EPHA6: variants seen among roughly 807,000 people sequenced by gnomAD.
EPHA6 encodes ephrin type-A receptor 6.
In EPHA6, 50 loss-of-function variants were observed where a neutral mutation model predicts 112.0. That is an observed-to-expected ratio of 0.45 (90% CI 0.36 to 0.56). The LOEUF (loss-of-function observed/expected upper bound fraction) is 0.56, where lower values mean the gene tolerates loss of function less well. Ranked by LOEUF, EPHA6 falls within the 20% of genes least tolerant of loss-of-function variation. The pLI, the probability that EPHA6 is intolerant of heterozygous loss-of-function variation, is 0.00. For synonymous variants in EPHA6, 529 were observed against 490.7 expected, an observed-to-expected ratio of 1.08 and a Z score of -1.03; for missense variants, 1,280 against 1,417.4, an observed-to-expected ratio of 0.90 and a Z score of 1.56.
chr3:97,543,151 A>C (rs575512508), intron 11 of EPHA6, among the ~76,000 whole-genome samples: 5 of 152,136 alleles, frequency 3.3e-5, no homozygotes, highest in African/African-American at 1.2e-4. Flanking sequence ...TTGGTGTTTT[A>C]GACATGAAGT....
chr3:96,935,159 A>G (rs1362042166), intron 2 of EPHA6, among the ~76,000 whole-genome samples: 1 of 151,908 alleles, frequency 6.6e-6, no homozygotes, highest in Non-Finnish European at 1.5e-5. Flanking sequence ...CCTGAAGACA[A>G]TACTCACATT....
chr3:97,509,872 G>T (rs1046227054), intron 10 of EPHA6, among the ~76,000 whole-genome samples: 1 of 151,964 alleles, frequency 6.6e-6, no homozygotes, highest in Non-Finnish European at 1.5e-5. Context: ...TTTCTTGGAG[G>T]CTTTGTTCAT....
At chr3:96,990,084 T>TA (rs756873128) in intron 3 of EPHA6, among the ~76,000 whole-genome samples, 76 of 152,100 alleles carry the variant, frequency 5.0e-4, no homozygotes, top group East Asian at 2.1e-3. Flanking sequence ...CATTACTTGG[T>TA]AAAAAAAATA....
At chr3:97,471,151 T>TAA (rs1247358963) in intron 7 of EPHA6, among the ~76,000 whole-genome samples, 2 of 151,730 alleles carry the variant, frequency 1.3e-5, no homozygotes, top group Non-Finnish European at 3.0e-5. Flanking sequence ...GCTTATTTGT[T>TAA]TCTTTAAGTG....
rs532729739 is a variant in EPHA6, at chr3:96,896,691, T to C, written c.450+29802T>C. Among the ~76,000 whole-genome samples the C allele has an allele frequency of 2.3e-4, 35 of 152,274 alleles. 1 individual carries two copies. In the South Asian group the frequency reaches 5.2e-3, roughly 23 times the overall value. On this transcript the variant is annotated intron_variant, in intron 2 of 17. Coordinates refer to ENST00000389672, the MANE Select transcript of EPHA6 (RefSeq NM_001080448.3). ...TTTTGAGTTCTACTACATTTTATCA[T>C]TTTCCTATCTTGGGAAGGAAGGGCC... is the stretch of plus-strand genomic sequence containing the variant.
intron 2 of EPHA6, among the ~76,000 whole-genome samples, chr3:96,894,724 G>A (rs1041441387): frequency 3.3e-5 from 5 of 152,090 alleles, no homozygotes; most frequent in Admixed American, 6.6e-5. Context: ...TAATGTGGAC[G>A]TGGATGAGGA....
intron 14 of EPHA6, among the ~76,000 whole-genome samples, chr3:97,665,222 G>A (rs540586220): frequency 6.6e-6 from 1 of 152,156 alleles, no homozygotes; most frequent in African/African-American, 2.4e-5. Flanking sequence ...ATGGGGAAAG[G>A]ATTCCCTATT....
intron 10 of EPHA6, among the ~76,000 whole-genome samples, chr3:97,511,387 C>T (rs541867203): frequency 6.6e-6 from 1 of 152,190 alleles, no homozygotes; most frequent in Non-Finnish European, 1.5e-5. Flanking sequence ...ATGCAATGCA[C>T]TGTTCCTCAC....
intron 11 of EPHA6, among the ~76,000 whole-genome samples, chr3:97,559,376 TG>T (rs1463120238): frequency 6.6e-6 from 1 of 151,904 alleles, no homozygotes; most frequent in Non-Finnish European, 1.5e-5. Context: ...GAAAGTGAAT[TG>T]TTTTGAATGG....
At chr3:97,650,428 CT>C (rs1230299208) in intron 14 of EPHA6, among the ~76,000 whole-genome samples, 4 of 151,958 alleles carry the variant, frequency 2.6e-5, no homozygotes, top group South Asian at 2.1e-4. Flanking sequence ...ATCTATGAAG[CT>C]TAGGAAACAA....
At chr3:97,300,929 C>T (rs2081066930) in intron 5 of EPHA6, among the ~76,000 whole-genome samples, 2 of 152,094 alleles carry the variant, frequency 1.3e-5, no homozygotes, top group African/African-American at 4.8e-5. Context: ...CTGTGAGAGT[C>T]CTGAAATGAT....
At chr3:97,174,027 C>G (rs1023029821) in intron 3 of EPHA6, among the ~76,000 whole-genome samples, 9 of 151,714 alleles carry the variant, frequency 5.9e-5, no homozygotes, top group Non-Finnish European at 8.9e-5. Flanking sequence ...ACCTTCCCCC[C>G]CAGTCCCCCA....
At chr3:97,657,795 G>A (rs1187944609) in intron 14 of EPHA6, among the ~76,000 whole-genome samples, 30 of 151,918 alleles carry the variant, frequency 2.0e-4, no homozygotes, top group Admixed American at 2.0e-3. Flanking sequence ...TATTCAGTAT[G>A]TCTGAGGGAA....
intron 1 of EPHA6, among the ~76,000 whole-genome samples, chr3:96,817,584 T>G (rs1399029180): frequency 6.6e-6 from 1 of 151,966 alleles, no homozygotes. Flanking sequence ...CTAATGGAAT[T>G]AATGTTTTAA....
At chr3:97,159,133 A>C (rs2076355976) in intron 3 of EPHA6, among the ~76,000 whole-genome samples, 1 of 152,150 alleles carries the variant, frequency 6.6e-6, no homozygotes, top group Non-Finnish European at 1.5e-5. Flanking sequence ...TTGTTTTCTA[A>C]TGACCTTAAT....
chr3:97,322,189 A>C (rs1393163782), intron 5 of EPHA6, among the ~76,000 whole-genome samples: 1 of 152,116 alleles, frequency 6.6e-6, no homozygotes, highest in Non-Finnish European at 1.5e-5. Flanking sequence ...AAAAATGTTT[A>C]GATGCTAAGC....
At chr3:97,362,180 G>T (rs536531039) in intron 5 of EPHA6, among the ~76,000 whole-genome samples, 12 of 152,216 alleles carry the variant, frequency 7.9e-5, no homozygotes, top group African/African-American at 2.9e-4. Flanking sequence ...GTAACTTGGA[G>T]ATTTACATCT....
At chr3:97,545,738 T>A (rs564434762) in intron 11 of EPHA6, among the ~76,000 whole-genome samples, 13 of 152,336 alleles carry the variant, frequency 8.5e-5, no homozygotes, top group African/African-American at 2.9e-4. Context: ...GCTTTATGAA[T>A]CTGGGTGCTC....
intron 12 of EPHA6, among the ~76,000 whole-genome samples, chr3:97,606,713 T>A (rs2093682664): frequency 6.6e-6 from 1 of 151,304 alleles, no homozygotes; most frequent in African/African-American, 2.4e-5. Flanking sequence ...ATAGTATAAC[T>A]GTGTTCAAAT....
Sources: gnomAD v4.1 joint callset for allele counts (sites outside exome capture counted in the v4.1 genomes callset) on GRCh38, gnomAD v4.1.1 for gene constraint, MANE v1.5 for transcripts, NCBI Gene and HGNC (gene_info 2026-07-23, HGNC 2026-07-21) for gene names.